TMCC1: variants seen among roughly 807,000 people sequenced by gnomAD.
The protein encoded by TMCC1 is transmembrane and coiled-coil domains protein 1.
TMCC1 carries 15 observed loss-of-function variants against 52.4 expected under a neutral mutation model. The observed-to-expected ratio is 0.29, with a 90% CI of 0.19 to 0.44. TMCC1 has a LOEUF of 0.44. TMCC1 is among the 20% of genes least tolerant of loss of function. The pLI, the probability that TMCC1 is intolerant of heterozygous loss-of-function variation, is 1.00. For synonymous variants in TMCC1, 279 were observed against 301.9 expected (o/e 0.92, Z 0.79); for missense variants, 503 against 806.0 (o/e 0.62, Z 4.55).
chr3:129,660,341 CG>C (rs2086942416), intron 5 of TMCC1, among the ~76,000 whole-genome samples: 2 of 152,162 alleles, frequency 1.3e-5, no homozygotes, highest in East Asian at 3.9e-4. Context: ...TCTGTAGAGA[CG>C]GGGTTTCGCC....
intron 4 of TMCC1, among the ~76,000 whole-genome samples, chr3:129,768,133 G>A (rs1259035932): frequency 6.6e-6 from 1 of 152,140 alleles, no homozygotes; most frequent in African/African-American, 2.4e-5. Flanking sequence ...AGGCTGCAGT[G>A]AGCCATGACT....
At chr3:129,749,117 A>C (rs2052267912) in intron 4 of TMCC1, among the ~76,000 whole-genome samples, 1 of 148,358 alleles carries the variant, frequency 6.7e-6, no homozygotes. Flanking sequence ...CCCCTCAACC[A>C]CCCCCCACCA....
intron 4 of TMCC1, among the ~76,000 whole-genome samples, chr3:129,721,702 TAC>T (rs2049604688): frequency 7.8e-5 from 2 of 25,698 alleles, no homozygotes; most frequent in African/African-American, 1.9e-4. Context: ...CTACTAAAAA[TAC>T]AAAAAAAAAA....
At chr3:129,803,390 A>G (rs2057298281) in intron 4 of TMCC1, among the ~76,000 whole-genome samples, 1 of 152,222 alleles carries the variant, frequency 6.6e-6, no homozygotes, top group African/African-American at 2.4e-5. Flanking sequence ...ATGGGTTTAG[A>G]GTTTCAGGCT....
intron 4 of TMCC1, among the ~76,000 whole-genome samples, chr3:129,772,987 CAGCAAAGTTACCCTCACTCT>C (rs1200687371): frequency 6.6e-6 from 1 of 152,086 alleles, no homozygotes; most frequent in Non-Finnish European, 1.5e-5. Context: ...TCTTAGAATC[CAGCAAAGTTACCCTCACTCT>C]AGCAACTTAA....
chr3:129,656,455 CCTTT>C (rs1421977424), intron 5 of TMCC1, among the ~76,000 whole-genome samples: 5 of 152,168 alleles, frequency 3.3e-5, no homozygotes, highest in Admixed American at 2.6e-4. Context: ...AAAACTATCT[CCTTT>C]CTTTCTTCTT....
At chr3:129,682,928 C>T (rs920273406) in intron 4 of TMCC1, among the ~76,000 whole-genome samples, 23 of 152,180 alleles carry the variant, frequency 1.5e-4, no homozygotes, top group African/African-American at 3.1e-4. Flanking sequence ...CTCCGCCTCC[C>T]GGGTTCAACT....
At chr3:129,694,642 T>C (rs866717150) in intron 4 of TMCC1, among the ~76,000 whole-genome samples, 2 of 152,178 alleles carry the variant, frequency 1.3e-5, no homozygotes, top group Non-Finnish European at 2.9e-5. Flanking sequence ...TCCCCACTGC[T>C]ACACTCCCAC....
intron 1 of TMCC1, among the ~76,000 whole-genome samples, chr3:129,887,541 T>TGA (rs2061769600): frequency 1.8e-5 from 2 of 108,540 alleles, no homozygotes; most frequent in Non-Finnish European, 3.7e-5. Context: ...ACTCCGTCTC[T>TGA]CAAAAAAAAA....
chr3:129,796,756 G>C (rs1462420591), intron 4 of TMCC1, among the ~76,000 whole-genome samples: 2 of 152,200 alleles, frequency 1.3e-5, no homozygotes, highest in Non-Finnish European at 2.9e-5. Context: ...TGGCAGGATT[G>C]CCTGAGTTCA....
At chr3:129,855,157 C>A (rs1295801479) in intron 2 of TMCC1, among the ~76,000 whole-genome samples, 1 of 152,166 alleles carries the variant, frequency 6.6e-6, no homozygotes. Flanking sequence ...TTATGACAGG[C>A]CTTCTTCTGG....
intron 4 of TMCC1, among the ~76,000 whole-genome samples, chr3:129,753,227 T>C (rs186006906): frequency 9.8e-4 from 149 of 152,302 alleles, no homozygotes; most frequent in African/African-American, 3.3e-3. Context: ...TACCTAAAAA[T>C]GTACAATTTT....
chr3:129,778,481 A>T (rs899835879), intron 4 of TMCC1, among the ~76,000 whole-genome samples: 4 of 152,218 alleles, frequency 2.6e-5, no homozygotes, highest in African/African-American at 9.6e-5. Flanking sequence ...GTTGAATTTC[A>T]TAATTCCTAT....
intron 4 of TMCC1, among the ~76,000 whole-genome samples, chr3:129,747,004 C>A (rs2052039170): frequency 6.6e-6 from 1 of 152,156 alleles, no homozygotes; most frequent in African/African-American, 2.4e-5. Context: ...GAGAATAAAT[C>A]ATTGCTGTGA....
At chr3:129,794,901 CT>C (rs1406017540) in intron 4 of TMCC1, among the ~76,000 whole-genome samples, 2 of 152,154 alleles carry the variant, frequency 1.3e-5, no homozygotes, top group African/African-American at 2.4e-5. Context: ...TTAGGTAATC[CT>C]TTAAGGTGAG....
At chr3:129,819,807 T>C (rs1250670516) in intron 4 of TMCC1, 1 of 151,976 alleles carries the variant, frequency 6.6e-6, no homozygotes, top group Non-Finnish European at 1.5e-5. Context: ...TATACTAAAA[T>C]TGGAATACAA....
At chr3:129,830,747 C>T (rs964198048) in intron 3 of TMCC1, among the ~76,000 whole-genome samples, 3 of 152,158 alleles carry the variant, frequency 2.0e-5, no homozygotes, top group African/African-American at 7.2e-5. Flanking sequence ...AGCTGAGGAT[C>T]ATTCTACTTG....
rs376514356 is a variant in TMCC1 at position 129,831,180 on chromosome 3, C to T, written c.-131+1594G>A. On this transcript the variant is annotated intron_variant, in intron 3 of 6. Transcript: ENST00000393238. ...AATTCCTGACCTCAAGTGATCCAACCGCCTCAGCCTCCCAAAGTGCTGAGA... is the reference window on the plus strand; with the variant it reads ...AATTCCTGACCTCAAGTGATCCAACTGCCTCAGCCTCCCAAAGTGCTGAGA... Among the ~76,000 whole-genome samples the T allele has an allele frequency of 4.3e-4, 66 of 152,178 alleles. 1 individual carries two copies. The East Asian group carries it at 0.012, about 27-fold the overall frequency.
At position 129,670,308 on chromosome 3, in the gene TMCC1, A is replaced by G. The variant is rs750511728; in HGVS notation, c.1511+22T>C. The G allele has an allele frequency of 3.1e-5, 49 of 1,595,654 alleles. No homozygotes were observed. In the South Asian group the frequency reaches 5.2e-4, roughly 17 times the overall value. Reference sequence around the variant, plus strand: ...GGGAACCCTACACAAATAATTTCAGATATTAATTCCATGTGACTTACCTAT... The same window carrying G: ...GGGAACCCTACACAAATAATTTCAGGTATTAATTCCATGTGACTTACCTAT... On this transcript the variant is annotated intron_variant, in intron 5 of 6. Transcript: ENST00000393238.
Sources: gnomAD v4.1 joint callset for allele counts (sites outside exome capture counted in the v4.1 genomes callset) on GRCh38, gnomAD v4.1.1 for gene constraint, MANE v1.5 for transcripts, NCBI Gene and HGNC (gene_info 2026-07-23, HGNC 2026-07-21) for gene names.